The following EPG5 variants were observed in gnomAD, a reference collection of about 807,000 sequenced individuals.
EPG5 encodes ectopic P granules protein 5 homolog.
A neutral mutation model predicts 302.7 loss-of-function variants in EPG5; 159 were observed. That is an observed-to-expected ratio of 0.53 (90% CI 0.46 to 0.60). The LOEUF (loss-of-function observed/expected upper bound fraction) is 0.60. Among genes scored for constraint, EPG5 ranks in the 20% least tolerant of loss-of-function variants. The pLI is 0.00. For missense variants in EPG5, 2,896 were observed against 3,092.4 expected (o/e 0.94, Z 1.51); for synonymous variants, 1,158 against 1,136.8 (o/e 1.02, Z -0.37).
chr18:45,966,302 G>T (rs947976236), intron 1 of EPG5, among the ~76,000 whole-genome samples: 4 of 151,550 alleles, frequency 2.6e-5, no homozygotes, highest in African/African-American at 9.7e-5. Flanking sequence ...CGTGAACCTG[G>T]GAGGCGGAGC....
chr18:45,889,045 C>T (rs1568125352), intron 28 of EPG5, among the ~76,000 whole-genome samples: 1 of 152,096 alleles, frequency 6.6e-6, no homozygotes, highest in Non-Finnish European at 1.5e-5. Context: ...GTAAAAGAAA[C>T]ATCAACCTCT....
At chr18:45,927,626 ACACACACG>A (rs2050305438) in intron 13 of EPG5, among the ~76,000 whole-genome samples, 3 of 150,628 alleles carry the variant, frequency 2.0e-5, no homozygotes, top group African/African-American at 7.3e-5. Flanking sequence ...ACACACACAC[ACACACACG>A]CACCAAGGAA....
intron 35 of EPG5, among the ~76,000 whole-genome samples, chr18:45,871,350 C>T (rs566292745): frequency 6.6e-6 from 1 of 152,136 alleles, no homozygotes; most frequent in Non-Finnish European, 1.5e-5. Context: ...ATTAGTACAA[C>T]CATTATGGAA....
intron 9 of EPG5, among the ~76,000 whole-genome samples, chr18:45,941,649 G>A (rs746075792): frequency 2.0e-5 from 3 of 152,132 alleles, no homozygotes; most frequent in Non-Finnish European, 4.4e-5. Context: ...TGATACCAAC[G>A]TCCTTCCTAT....
At chr18:45,834,970 C>T in the EPG5 span, among the ~76,000 whole-genome samples, 1 of 151,968 alleles carries the variant, frequency 6.6e-6, no homozygotes, top group Non-Finnish European at 1.5e-5. Flanking sequence ...CAGGGTTTCT[C>T]AAATTTGGAG....
intron 27 of EPG5, among the ~76,000 whole-genome samples, chr18:45,892,278 G>T (rs1336841526): frequency 6.6e-6 from 1 of 152,084 alleles, no homozygotes; most frequent in Non-Finnish European, 1.5e-5. Flanking sequence ...CACTACTGTT[G>T]AAAGTTTTCT....
intron 24 of EPG5, among the ~76,000 whole-genome samples, chr18:45,904,417 T>TA (rs2049698708): frequency 6.6e-6 from 1 of 152,058 alleles, no homozygotes; most frequent in Non-Finnish European, 1.5e-5. Context: ...AAGACATAGG[T>TA]AAAAAATAGC....
chr18:45,835,501 G>A, the EPG5 span, among the ~76,000 whole-genome samples: 34 of 152,148 alleles, frequency 2.2e-4, no homozygotes, highest in Non-Finnish European at 4.3e-4. Flanking sequence ...AGGCAGCTCA[G>A]GAAGAGAAGA....
At chr18:45,954,145 A>T (rs1391742637) in intron 2 of EPG5, 1 of 182,726 alleles carries the variant, frequency 5.5e-6, no homozygotes, top group African/African-American at 2.4e-5. Flanking sequence ...CATCATCTAG[A>T]ACTTGAGAAC....
At chr18:45,878,319 T>G in intron 34 of EPG5, 57 bp downstream of exon 34, 1 of 1,170,438 alleles carries the variant, frequency 8.5e-7, no homozygotes, top group East Asian at 2.3e-5. Context: ...CAAATACCAT[T>G]TAGAATTTTA....
intron 10 of EPG5, among the ~76,000 whole-genome samples, chr18:45,936,784 T>TA (rs201568940): frequency 0.2 from 26,743 of 134,808 alleles, 3,325 homozygotes; most frequent in African/African-American, 0.37. Flanking sequence ...GTTATTAAAT[T>TA]AAAAAAAAAA....
At chr18:45,954,196 C>A (rs1206900684) in intron 2 of EPG5, among the ~76,000 whole-genome samples, 198 bp downstream of exon 2, 1 of 152,192 alleles carries the variant, frequency 6.6e-6, no homozygotes, top group African/African-American at 2.4e-5. Context: ...GCCCAGTGAC[C>A]ATTGTCCCAC....
In EPG5 at chr18:45,870,281, C is replaced by T. The variant is rs190728391; in HGVS notation, c.6225+286G>A. ...CAATAACAACCAAGATTAAGCATAA[C>T]GGAGGCATTAAACTACGTACTCACA... On this transcript the variant is annotated intron_variant, in intron 36 of 43. Transcript: ENST00000282041. 2.6e-5 allele frequency among the ~76,000 whole-genome samples: 4 copies of T among 152,180 alleles called. No individual in the cohort carries two copies. In the East Asian group the frequency reaches 5.8e-4, roughly 22 times the overall value.
At chr18:45,828,643 GC>G in the EPG5 span, among the ~76,000 whole-genome samples, 3 of 152,306 alleles carry the variant, frequency 2.0e-5, no homozygotes, top group East Asian at 5.8e-4. Flanking sequence ...GAGGCTCCTG[GC>G]CTCTGCAATG....
intron 39 of EPG5, among the ~76,000 whole-genome samples, chr18:45,864,026 C>T (rs2048689174): frequency 1.3e-5 from 2 of 152,118 alleles, no homozygotes; most frequent in African/African-American, 2.4e-5. Flanking sequence ...ATCTCCTCTC[C>T]TTCTGGAATT....
intron 1 of EPG5, among the ~76,000 whole-genome samples, chr18:45,956,545 C>T (rs74858512): frequency 0.18 from 26,581 of 151,844 alleles, 3,558 homozygotes; most frequent in African/African-American, 0.34. Flanking sequence ...CAACCTCCGC[C>T]TCCTGGGTTC....
intron 30 of EPG5, among the ~76,000 whole-genome samples, chr18:45,883,147 G>A (rs528607040): frequency 6.6e-6 from 1 of 151,824 alleles, no homozygotes; most frequent in Non-Finnish European, 1.5e-5. Context: ...TTTTACTGAT[G>A]ATTCATTATT....
At chr18:45,901,628 T>G (rs1193248416) in intron 25 of EPG5, among the ~76,000 whole-genome samples, 2 of 152,208 alleles carry the variant, frequency 1.3e-5, no homozygotes, top group Non-Finnish European at 2.9e-5. Context: ...GAGGACTGGA[T>G]GCAGTAAGAG....
Position 45,910,611 on chromosome 18 carries a change from A to T in EPG5, c.4115T>A (p.Val1372Asp). 2.5e-6 allele frequency: 4 copies of T among 1,614,148 alleles called. No individual in the cohort carries two copies. The highest frequency in any genetic ancestry group is 3.4e-6 in the Non-Finnish European group (4 of 1,180,020). The change falls in exon 23 of 44, where the codon GTT becomes GAT. Residue 1372 changes from valine to aspartate, a missense_variant. This residue lies in a region of EPG5 where 790 missense variants were observed against 798.0 expected (regional missense o/e 0.99). Transcript: ENST00000282041. ...FHHAASKALR[V>D]PAEGSEGLPE... ...CAGCCCTTCACTGCCCTCTGCTGGA[A>T]CACGGAGGGCCTTGCTTGCAGCATG...
Sources: allele counts gnomAD v4.1 joint callset (sites outside exome capture counted in the v4.1 genomes callset), GRCh38; gene constraint gnomAD v4.1.1; regional missense constraint gnomAD v4.1.1; transcripts MANE v1.5; gene names NCBI Gene and HGNC (gene_info 2026-07-23, HGNC 2026-07-21).